The following PDZD8 variants were observed in gnomAD, a reference collection of about 807,000 sequenced individuals.
The protein encoded by PDZD8 is PDZ domain-containing protein 8.
PDZD8 carries 14 observed loss-of-function variants against 85.8 expected under a neutral mutation model. The ratio of observed to expected loss-of-function variants is 0.16; its 90% confidence interval spans 0.11 to 0.26. The LOEUF (loss-of-function observed/expected upper bound fraction) is 0.26, where lower values mean the gene tolerates loss of function less well. Ranked by LOEUF, PDZD8 falls within the 10% of genes least tolerant of loss-of-function variation. The pLI is 1.00. For synonymous variants in PDZD8, 592 were observed against 568.6 expected, an observed-to-expected ratio of 1.04 and a Z score of -0.59; for missense variants, 1,197 against 1,424.3, an observed-to-expected ratio of 0.84 and a Z score of 2.57.
chr10:117,298,578 T>C (rs189910318), intron 3 of PDZD8, among the ~76,000 whole-genome samples: 134 of 152,232 alleles, frequency 8.8e-4, no homozygotes, highest in African/African-American at 2.8e-3. Flanking sequence ...TACCCCTATA[T>C]TTCTTATTTA....
chr10:117,360,550 T>C (rs1268882747), intron 1 of PDZD8, among the ~76,000 whole-genome samples: 1 of 152,068 alleles, frequency 6.6e-6, no homozygotes, highest in Non-Finnish European at 1.5e-5. Flanking sequence ...ATGTCCTTGA[T>C]TCTCACAACT....
chr10:117,348,036 C>T (rs1050786482), intron 1 of PDZD8, among the ~76,000 whole-genome samples: 1 of 152,116 alleles, frequency 6.6e-6, no homozygotes, highest in African/African-American at 2.4e-5. Flanking sequence ...GTGACGGTTG[C>T]ACATATATGT....
At position 117,304,186 on chromosome 10, in the gene PDZD8, T is replaced by C. The variant is rs373785021; in HGVS notation, c.1099-13838A>G. Reference sequence around the variant, plus strand: ...GCTGTCTAAGACCATGGGAACCCACTTCTTGCATCAGCGTGACCTGGATGT... The same window carrying C: ...GCTGTCTAAGACCATGGGAACCCACCTCTTGCATCAGCGTGACCTGGATGT... On this transcript the variant is annotated intron_variant, in intron 3 of 4. Transcript: ENST00000334464. Among the ~76,000 whole-genome samples the C allele has an allele frequency of 3.3e-5, 5 of 152,224 alleles. No homozygotes were observed. In the East Asian group the frequency reaches 9.6e-4, roughly 29 times the overall value.
intron 2 of PDZD8, among the ~76,000 whole-genome samples, chr10:117,329,609 A>G (rs1844380683): frequency 6.6e-6 from 1 of 152,122 alleles, no homozygotes; most frequent in Admixed American, 6.6e-5. Context: ...AAAGGAAAGT[A>G]ATTCCCAATG....
intron 3 of PDZD8, among the ~76,000 whole-genome samples, chr10:117,315,169 T>C (rs535274058): frequency 1.8e-4 from 28 of 152,220 alleles, no homozygotes; most frequent in South Asian, 4.1e-4. Flanking sequence ...AGAGTTGGAA[T>C]AGAACAACCT....
At chr10:117,344,639 G>T (rs901348255) in intron 1 of PDZD8, among the ~76,000 whole-genome samples, 1 of 151,990 alleles carries the variant, frequency 6.6e-6, no homozygotes, top group African/African-American at 2.4e-5. Context: ...TGCCCACCTC[G>T]GCCTCCCAAA....
chr10:117,341,392 G>A (rs536676332), intron 1 of PDZD8, among the ~76,000 whole-genome samples: 2 of 152,294 alleles, frequency 1.3e-5, no homozygotes, highest in South Asian at 2.1e-4. Flanking sequence ...GGTGGGGCAG[G>A]AGAGAGACTG....
Position 117,332,217 on chromosome 10 carries a change from A to C in PDZD8, c.995+8763T>G, listed in dbSNP as rs149464987. Reference sequence around the variant, plus strand: ...CTGGTTTTCAAAAGCATTCATTTTGAGTGCAACTTTTCCTTTATACAAATT... The same window carrying C: ...CTGGTTTTCAAAAGCATTCATTTTGCGTGCAACTTTTCCTTTATACAAATT... On this transcript the variant is annotated intron_variant, in intron 2 of 4. Coordinates refer to ENST00000334464, the MANE Select transcript of PDZD8 (RefSeq NM_173791.5). 1.9e-3 allele frequency among the ~76,000 whole-genome samples: 285 copies of C among 152,278 alleles called. 1 individual carries two copies. The highest frequency in any genetic ancestry group is 6.5e-3 in the African/African-American group (269 of 41,546).
In PDZD8 at chr10:117,283,214, TACTTTAGATGCA is replaced by T; in HGVS notation, c.*42_*53del. The T allele has an allele frequency of 6.7e-7, 1 of 1,499,802 alleles. No individual in the cohort carries two copies. Among genetic ancestry groups the T allele is most frequent in the Non-Finnish European group, 9.0e-7 (1 of 1,113,448 alleles). 92.9% of individuals were successfully genotyped at this position (1,499,802 alleles called of 1,614,324 possible). ...GATTTAAACATGGTTGTATCTGTGGTACTTTAGATGCAACTTTACCCTGTTCATTTGAAAGCT... is the reference window on the plus strand; with the variant it reads ...GATTTAAACATGGTTGTATCTGTGGTACTTTACCCTGTTCATTTGAAAGCT... On this transcript the variant is annotated 3_prime_UTR_variant, in exon 5 of 5. Transcript: ENST00000334464.
intron 1 of PDZD8, among the ~76,000 whole-genome samples, chr10:117,349,624 C>T (rs1844768547): frequency 1.3e-5 from 2 of 151,956 alleles, no homozygotes; most frequent in African/African-American, 4.8e-5. Flanking sequence ...GCAACATAGC[C>T]ACACCCCATT....
chr10:117,354,576 CTTAT>C (rs1428492157), intron 1 of PDZD8, among the ~76,000 whole-genome samples: 13 of 152,208 alleles, frequency 8.5e-5, no homozygotes, highest in African/African-American at 3.1e-4. Flanking sequence ...AACAAATAGG[CTTAT>C]TTGAGAATAG....
intron 3 of PDZD8, among the ~76,000 whole-genome samples, chr10:117,308,113 T>C (rs915022049): frequency 1.3e-5 from 2 of 152,140 alleles, no homozygotes; most frequent in African/African-American, 2.4e-5. Flanking sequence ...TTATTTCTTA[T>C]CTTAAATATT....
At chr10:117,357,877 A>T (rs775421909) in intron 1 of PDZD8, among the ~76,000 whole-genome samples, 2 of 147,148 alleles carry the variant, frequency 1.4e-5, no homozygotes, top group African/African-American at 4.9e-5. Flanking sequence ...GACATTAGGT[A>T]TTACTGTTAA....
chr10:117,330,330 T>C (rs1383011943), intron 2 of PDZD8, among the ~76,000 whole-genome samples: 3 of 152,138 alleles, frequency 2.0e-5, no homozygotes, highest in Non-Finnish European at 2.9e-5. Flanking sequence ...AGAACACTCC[T>C]ACAGGGAAAT....
Position 117,375,424 on chromosome 10 carries a change from T to G in PDZD8, c.-197A>C. 1 of 277,118 alleles carries G rather than the reference T, an allele frequency of 3.6e-6. No individual in the cohort carries two copies. Among genetic ancestry groups the G allele is most frequent in the Non-Finnish European group, 6.6e-6 (1 of 151,838 alleles). The allele number at this position is 277,118 out of a possible 1,614,324, so 17.2% of individuals were successfully genotyped here. A position where few individuals can be genotyped will look rare whatever the true frequency, so the allele number is the denominator to read the frequency against. Reference sequence around the variant, plus strand: ...CAGCGGCCCGCGCCTCCTCAGACGCTCCCGAAGGGCCGGTGTGGCGGCGGC... The same window carrying G: ...CAGCGGCCCGCGCCTCCTCAGACGCGCCCGAAGGGCCGGTGTGGCGGCGGC... On this transcript the variant is annotated 5_prime_UTR_variant, in exon 1 of 5. Coordinates refer to ENST00000334464, the MANE Select transcript of PDZD8 (RefSeq NM_173791.5).
chr10:117,342,040 G>A (rs1415126894), intron 1 of PDZD8, among the ~76,000 whole-genome samples: 1 of 152,128 alleles, frequency 6.6e-6, no homozygotes, highest in Non-Finnish European at 1.5e-5. Flanking sequence ...AGGTTAACAA[G>A]TTTGTTCAAT....
chr10:117,358,379 T>C (rs965727528), intron 1 of PDZD8, among the ~76,000 whole-genome samples: 14 of 152,092 alleles, frequency 9.2e-5, no homozygotes, highest in Non-Finnish European at 1.9e-4. Context: ...CAAACGTAAT[T>C]GCGGGTTTTG....
intron 1 of PDZD8, among the ~76,000 whole-genome samples, chr10:117,370,651 G>A (rs9943329): frequency 0.046 from 7,024 of 152,142 alleles, 541 homozygotes; most frequent in African/African-American, 0.16. Flanking sequence ...AAACCAGCCT[G>A]GCCAACATGG....
rs71475194 is a variant in PDZD8, at chr10:117,370,918, T to TTGTGTGTGTGTGTGTGTGTG, written c.872+3418_872+3437dup. Among the ~76,000 whole-genome samples, 668 of 146,432 alleles carry TTGTGTGTGTGTGTGTGTGTG rather than the reference T, an allele frequency of 4.6e-3. 1 individual carries two copies. Among genetic ancestry groups the TTGTGTGTGTGTGTGTGTGTG allele is most frequent in the South Asian group, 0.011 (52 of 4,526 alleles). ...ATAAATCACTTAAGAACAACATAGT[T>TTGTGTGTGTGTGTGTGTGTG]TGTGTGTGTGTGTGTGTGTGTGTGT... On this transcript the variant is annotated intron_variant, in intron 1 of 4. Coordinates refer to ENST00000334464, the MANE Select transcript of PDZD8 (RefSeq NM_173791.5).
Sources: allele counts gnomAD v4.1 joint callset (sites outside exome capture counted in the v4.1 genomes callset), GRCh38; gene constraint gnomAD v4.1.1; transcripts MANE v1.5; gene names NCBI Gene and HGNC (gene_info 2026-07-23, HGNC 2026-07-21).